The following GFRA1 variants were observed in gnomAD, a reference collection of about 807,000 sequenced individuals.
The protein encoded by GFRA1 is GDNF family receptor alpha 1, also known as GDNF family receptor alpha-1.
A neutral mutation model predicts 51.6 loss-of-function variants in GFRA1; 16 were observed. The observed-to-expected ratio is 0.31, with a 90% confidence interval of 0.21 to 0.47. The LOEUF (loss-of-function observed/expected upper bound fraction) is 0.47. Among genes scored for constraint, GFRA1 ranks in the 20% least tolerant of loss-of-function variants. The probability of loss-of-function intolerance (pLI) is 1.00; values close to 1 mark genes in which losing one functional copy is unlikely to be tolerated. For missense variants in GFRA1, 530 were observed against 594.3 expected (o/e 0.89, Z 1.13); for synonymous variants, 270 against 241.3 (o/e 1.12, Z -1.10).
rs2133736377 is a variant in GFRA1, at chr10:116,060,289, G to C, written c.*4109C>G. ...ATGAGAGAAAAATGTAGCTTCTAAG[G>C]GTATCCAACCAAATCCCCACTTGTT... On this transcript the variant is annotated 3_prime_UTR_variant, in exon 11 of 11. Transcript: ENST00000355422. 1 of 152,096 alleles carries C rather than the reference G, an allele frequency of 6.6e-6. No individual in the cohort carries two copies. The highest frequency in any genetic ancestry group is 2.4e-5 in the African/African-American group (1 of 41,490). 9.4% of individuals were successfully genotyped at this position (152,096 alleles called of 1,614,324 possible). A position where few individuals can be genotyped will look rare whatever the true frequency, so the allele number is the denominator to read the frequency against.
At chr10:116,241,640 C>A (rs552667449) in intron 4 of GFRA1, among the ~76,000 whole-genome samples, 1 of 152,266 alleles carries the variant, frequency 6.6e-6, no homozygotes, top group East Asian at 1.9e-4. Context: ...ATAGGATGGT[C>A]AAATTGGATA....
intron 5 of GFRA1, among the ~76,000 whole-genome samples, chr10:116,199,179 C>T (rs1294893399): frequency 1.3e-5 from 2 of 152,210 alleles, no homozygotes; most frequent in Admixed American, 1.3e-4. Context: ...TGTTGCTTTA[C>T]ACCACCTCGT....
chr10:116,129,056 C>T (rs370931942), intron 5 of GFRA1, among the ~76,000 whole-genome samples: 18 of 152,210 alleles, frequency 1.2e-4, no homozygotes, highest in Middle Eastern at 3.4e-3. Context: ...TTCTAGAATC[C>T]GCAACCTGGA....
intron 4 of GFRA1, among the ~76,000 whole-genome samples, chr10:116,229,994 G>C (rs1966581001): frequency 6.6e-6 from 1 of 152,112 alleles, no homozygotes; most frequent in Non-Finnish European, 1.5e-5. Context: ...GCAAATCCCT[G>C]CTGTGTCTTT....
chr10:116,117,955 T>C (rs1490350241), intron 6 of GFRA1, among the ~76,000 whole-genome samples: 1 of 152,124 alleles, frequency 6.6e-6, no homozygotes, highest in Non-Finnish European at 1.5e-5. Flanking sequence ...CTCCAACTTC[T>C]AAGTCCTCTT....
intron 5 of GFRA1, among the ~76,000 whole-genome samples, chr10:116,192,260 C>A (rs1407348001): frequency 2.0e-5 from 3 of 152,268 alleles, no homozygotes; most frequent in Admixed American, 6.5e-5. Flanking sequence ...AATAAATCTT[C>A]ATTCCTACCA....
In GFRA1 at chr10:116,244,454, A is replaced by G. The variant is rs867558715; in HGVS notation, c.418+25049T>C. 7.7e-5 allele frequency among the ~76,000 whole-genome samples: 8 copies of G among 103,502 alleles called. No individual in the cohort carries two copies. In the Admixed American group the frequency reaches 8.1e-4, roughly 10 times the overall value. The allele number at this position is 103,502 out of a possible 152,430, so 67.9% of individuals were successfully genotyped here. A position where few individuals can be genotyped will look rare whatever the true frequency, so the allele number is the denominator to read the frequency against. The stretch of plus-strand genomic sequence containing the variant: ...AATGTTAATAATTAAAATTTAATTT[A>G]ATTTAATTTTAATATATAATAAATT... On this transcript the variant is annotated intron_variant, in intron 4 of 10. Transcript: ENST00000355422.
intron 6 of GFRA1, among the ~76,000 whole-genome samples, chr10:116,114,582 A>T (rs1957337530): frequency 6.6e-6 from 1 of 152,086 alleles, no homozygotes. Context: ...ATTTTTTTAG[A>T]GAGAGGGTCT....
chr10:116,081,207 G>C (rs1360154256), intron 9 of GFRA1, among the ~76,000 whole-genome samples: 2 of 152,214 alleles, frequency 1.3e-5, no homozygotes, highest in Non-Finnish European at 2.9e-5. Context: ...GAACCCCAAA[G>C]TGTGACTGGC....
At chr10:116,169,219 C>G (rs79105379) in intron 5 of GFRA1, among the ~76,000 whole-genome samples, 1,906 of 152,346 alleles carry the variant, frequency 0.013, 44 homozygotes, top group African/African-American at 0.044. Context: ...GATCCCCTGA[C>G]TTGATGACTA....
At chr10:116,161,317 C>T (rs977092494) in intron 5 of GFRA1, among the ~76,000 whole-genome samples, 8 of 152,136 alleles carry the variant, frequency 5.3e-5, no homozygotes, top group Non-Finnish European at 1.0e-4. Flanking sequence ...CTATGTTTTT[C>T]CAAGATCCTC....
chr10:116,079,651 G>A (rs889473762), intron 9 of GFRA1, among the ~76,000 whole-genome samples: 7 of 152,198 alleles, frequency 4.6e-5, no homozygotes, highest in South Asian at 4.2e-4. Flanking sequence ...GGCCAGGGAC[G>A]CTGCTAAATA....
At chr10:116,250,920 T>C (rs1332282083) in intron 4 of GFRA1, among the ~76,000 whole-genome samples, 1 of 152,232 alleles carries the variant, frequency 6.6e-6, no homozygotes, top group African/African-American at 2.4e-5. Flanking sequence ...TGCACCAGGC[T>C]TGGCCCGCCT....
At chr10:116,214,647 C>G (rs1769428631) in intron 4 of GFRA1, among the ~76,000 whole-genome samples, 1 of 152,172 alleles carries the variant, frequency 6.6e-6, no homozygotes. Context: ...TGAATACAGA[C>G]AAAAATTTCC....
intron 9 of GFRA1, among the ~76,000 whole-genome samples, chr10:116,085,238 T>C (rs1279563803): frequency 6.6e-6 from 1 of 152,224 alleles, no homozygotes; most frequent in African/African-American, 2.4e-5. Flanking sequence ...GGAGCAGACT[T>C]TGGAAAATGT....
At chr10:116,202,903 T>A (rs1446509677) in intron 5 of GFRA1, among the ~76,000 whole-genome samples, 1 of 152,042 alleles carries the variant, frequency 6.6e-6, no homozygotes, top group Non-Finnish European at 1.5e-5. Context: ...TTTCTGAGGA[T>A]GGGGTGCTGA....
chr10:116,162,017 A>G (rs1959861329), intron 5 of GFRA1, among the ~76,000 whole-genome samples: 1 of 152,256 alleles, frequency 6.6e-6, no homozygotes, highest in Admixed American at 6.5e-5. Context: ...AGAAGAGGAT[A>G]GTCTTCCAGA....
chr10:116,241,772 T>C (rs1208840447), intron 4 of GFRA1, among the ~76,000 whole-genome samples: 1 of 152,206 alleles, frequency 6.6e-6, no homozygotes, highest in Admixed American at 6.5e-5. Context: ...ATGTATTTGT[T>C]CTGCAGGCTA....
intron 9 of GFRA1, among the ~76,000 whole-genome samples, chr10:116,086,306 T>A (rs1296715895): frequency 6.6e-6 from 1 of 152,164 alleles, no homozygotes; most frequent in Non-Finnish European, 1.5e-5. Context: ...TTCCATCTGT[T>A]GTAAAGGAAC....
Sources: allele counts gnomAD v4.1 joint callset (sites outside exome capture counted in the v4.1 genomes callset), GRCh38; gene constraint gnomAD v4.1.1; transcripts MANE v1.5; gene names NCBI Gene and HGNC (gene_info 2026-07-23, HGNC 2026-07-21).